RYR1: variants seen among roughly 807,000 people sequenced by gnomAD.
The protein encoded by RYR1 is central core disease of muscle.
Under a neutral mutation model 583.5 loss-of-function variants are expected in RYR1, and 342 were observed. The observed-to-expected ratio is 0.59, with a 90% CI of 0.54 to 0.64. The LOEUF (loss-of-function observed/expected upper bound fraction) is 0.64, where lower values mean the gene tolerates loss of function less well. Among genes scored for constraint, RYR1 ranks in the 30% least tolerant of loss-of-function variants. The pLI, the probability that RYR1 is intolerant of heterozygous loss-of-function variation, is 0.00. For synonymous variants in RYR1, 2,791 were observed against 2,822.5 expected (o/e 0.99, Z 0.35); for missense variants, 6,032 against 6,917.2 (o/e 0.87, Z 4.54).
At chr19:38,524,187 A>C (rs1238598112) in intron 70 of RYR1, among the ~76,000 whole-genome samples, 37 of 107,750 alleles carry the variant, frequency 3.4e-4, no homozygotes, top group South Asian at 9.0e-4. Context: ...TTTTGTTCCC[A>C]AAAAAAAAAA....
At position 38,458,093 on chromosome 19, in the gene RYR1, G is replaced by A. The variant is rs779450532; in HGVS notation, c.1968G>A (p.Thr656=). The A allele has an allele frequency of 2.1e-5, 34 of 1,613,748 alleles. No homozygotes were observed. Among genetic ancestry groups the A allele is most frequent in the Non-Finnish European group, 2.7e-5 (32 of 1,180,032 alleles). Residue 656 remains threonine (T), a synonymous_variant, in exon 18 of 106, where the codon ACG becomes ACA. Transcript: ENST00000359596. ...TTGTGGGCCGAGCGGAAGGCACCAC[G>A]CAGTACAGCAAATGGTACTTTGAGG... is the stretch of plus-strand genomic sequence containing the variant. ...NIFVGRAEGT[T]QYSKWYFEVM...
intron 89 of RYR1, among the ~76,000 whole-genome samples, chr19:38,557,494 G>A (rs1166536914): frequency 2.6e-5 from 4 of 152,334 alleles, no homozygotes; most frequent in Middle Eastern, 3.4e-3. Flanking sequence ...AGGGGACAGC[G>A]AAGCTGAGAG....
chr19:38,458,027 T>C (rs1032685666), intron 17 of RYR1, 24 bp from the exon 18 acceptor site: 1 of 1,612,140 alleles, frequency 6.2e-7, no homozygotes, highest in Non-Finnish European at 8.5e-7. Flanking sequence ...GTCATCCCCC[T>C]CTCCTGTCCC....
intron 18 of RYR1, 93 bp downstream of exon 18, chr19:38,458,385 T>G: frequency 1.5e-6 from 2 of 1,316,368 alleles, no homozygotes; most frequent in Non-Finnish European, 1.1e-6. Context: ...CTCAGGATCC[T>G]GACTCCCTGA....
intron 89 of RYR1, among the ~76,000 whole-genome samples, chr19:38,553,849 C>T (rs1488598489): frequency 2.0e-5 from 3 of 152,288 alleles, no homozygotes; most frequent in African/African-American, 4.8e-5. Flanking sequence ...ATAGGTATAA[C>T]ATCACTGGTC....
At chr19:38,477,047 A>AAAATAT (rs1968769522) in intron 29 of RYR1, among the ~76,000 whole-genome samples, 1 of 152,026 alleles carries the variant, frequency 6.6e-6, no homozygotes, top group Admixed American at 6.5e-5. Context: ...AATAAAAATA[A>AAAATAT]AAAAATAAGG....
In RYR1 at chr19:38,517,324, G is replaced by A. The variant is rs752883547; in HGVS notation, c.9686-35G>A. On this transcript the variant is annotated intron_variant, in intron 65 of 105. Transcript: ENST00000359596. ...AGGGCACTGAGGTCTGGGGGTGATG[G>A]CTTGACATTCCCTGCCCCCGTCCCT... The A allele has an allele frequency of 1.9e-6, 3 of 1,604,402 alleles. No individual in the cohort carries two copies. The African/African-American group carries it at 4.0e-5, about 21-fold the overall frequency.
At chr19:38,580,170 C>A (rs1974134816) in intron 100 of RYR1, 42 bp downstream of exon 100, 1 of 1,613,554 alleles carries the variant, frequency 6.2e-7, no homozygotes, top group Admixed American at 1.7e-5. Context: ...CCAGCAGGGA[C>A]CAGCGTGGCA....
rs1305053560 is a variant in RYR1, at chr19:38,504,261, C to G, written c.7968C>G (p.Cys2656Trp). ...ATGAGCGCTGTTGGAAGTACTACTG[C>G]CTACCCACGGGCTGGGCCAACTTCG... ...NHYERCWKYY[C>W]LPTGWANFGV... Residue 2656 changes from cysteine to tryptophan, a missense_variant, in exon 50 of 106, where the codon TGC (cysteine) becomes TGG (tryptophan). This residue lies in a region of RYR1 where 1,493 missense variants were observed against 1,715.5 expected (regional missense o/e 0.87). Transcript: ENST00000359596. The G allele has an allele frequency of 3.1e-6, 5 of 1,614,046 alleles. No homozygotes were observed. Among genetic ancestry groups the G allele is most frequent in the Non-Finnish European group, 3.4e-6 (4 of 1,179,978 alleles).
chr19:38,495,449 G>A (rs1029215466), intron 39 of RYR1, among the ~76,000 whole-genome samples: 4 of 152,050 alleles, frequency 2.6e-5, no homozygotes, highest in Non-Finnish European at 4.4e-5. Context: ...GGGCTCAAGC[G>A]ATCCTCCTGC....
At chr19:38,504,170 A>G (rs762905206) in intron 49 of RYR1, 50 bp from the exon 50 acceptor site, 9 of 1,574,300 alleles carry the variant, frequency 5.7e-6, no homozygotes, top group Non-Finnish European at 7.8e-6. Flanking sequence ...TCTGCCTGCC[A>G]TTCGCTGGTG....
At chr19:38,536,986 GTC>G in intron 83 of RYR1, 1 of 607,432 alleles carries the variant, frequency 1.6e-6, no homozygotes, top group Admixed American at 2.9e-5. Context: ...CTGTGAACAA[GTC>G]TCTTACCTTC....
Position 38,565,198 on chromosome 19 carries a change from G to A in RYR1, c.12864G>A (p.Thr4288=), listed in dbSNP as rs1973342445. ...GAAGLEGTAA[T]AAAGATARVV... is the part of the protein sequence containing the mutation. ...CGGGGCTCGAGGGCACGGCGGCCAC[G>A]GCGGCGGCGGGGGCGACGGCGCGGG... The change falls in exon 91 of 106, where the codon ACG becomes ACA. Residue 4288 remains threonine, a synonymous_variant. Coordinates refer to ENST00000359596, the MANE Select transcript of RYR1 (RefSeq NM_000540.3). This position sits in a 1 kb window ranked among gnomAD's most constrained non-coding sequence, Gnocchi z 4.7. 2.0e-6 allele frequency: 2 copies of A among 1,019,326 alleles called. No homozygotes were observed. The highest frequency in any genetic ancestry group is 2.3e-6 in the Non-Finnish European group (2 of 853,686). The allele number at this position is 1,019,326 out of a possible 1,614,324, so 63.1% of individuals were successfully genotyped here.
At chr19:38,579,025 G>A (rs1272375232) in intron 99 of RYR1, among the ~76,000 whole-genome samples, 1 of 152,124 alleles carries the variant, frequency 6.6e-6, no homozygotes, top group Non-Finnish European at 1.5e-5. Context: ...ACAAGCTGCG[G>A]TGGGAGGATG....
Position 38,566,946 on chromosome 19 carries a change from A to C in RYR1, c.13473A>C (p.Pro4491=), listed in dbSNP as rs770239842. 3.7e-6 allele frequency: 6 copies of C among 1,606,748 alleles called. No homozygotes were observed. Among genetic ancestry groups the C allele is most frequent in the East Asian group, 2.2e-5 (1 of 44,658 alleles). ...DGVEEELPPE[P]EPEPEPELEP... is the part of the protein sequence containing the mutation. ...TGGAGGAGGAGCTCCCGCCAGAGCC[A>C]GAGCCCGAGCCGGAACCAGAGCTGG... The change falls in exon 92 of 106, where the codon CCA becomes CCC. Residue 4491 remains proline (P), a synonymous_variant. Transcript: ENST00000359596.
At chr19:38,452,126 C>CAAAAAAAA (rs66571762) in intron 12 of RYR1, among the ~76,000 whole-genome samples, 1 of 68,880 alleles carries the variant, frequency 1.5e-5, no homozygotes, top group Non-Finnish European at 2.6e-5. Flanking sequence ...CCGCCTCTAC[C>CAAAAAAAA]AAAAAAAAAA....
Position 38,516,225 on chromosome 19 carries a change from G to T in RYR1, c.9685+8G>T, listed in dbSNP as rs752615788. On this transcript the variant is annotated splice_region_variant and intron_variant, in intron 65 of 105. Transcript: ENST00000359596. ...CTCCGCGGGAGCGGGCCAGTAAGCTGTGTGGGGCGGGAGCAGTGCTGGGAG... is the reference window on the plus strand; with the variant it reads ...CTCCGCGGGAGCGGGCCAGTAAGCTTTGTGGGGCGGGAGCAGTGCTGGGAG... 1.4e-5 allele frequency: 22 copies of T among 1,584,974 alleles called. No individual in the cohort carries two copies. The highest frequency in any genetic ancestry group is 1.7e-5 in the Non-Finnish European group (20 of 1,165,468).
chr19:38,580,225 G>A, intron 100 of RYR1, 97 bp downstream of exon 100: 1 of 1,598,988 alleles, frequency 6.3e-7, no homozygotes, highest in Admixed American at 1.7e-5. Context: ...GCTGAGGAGG[G>A]GCAAGGCCAG....
chr19:38,473,538 GGC>G lies in RYR1; in HGVS notation c.3928_3929del (p.Ala1310ThrfsTer20). On this transcript the variant is annotated frameshift_variant, in exon 28 of 106. Transcript: ENST00000359596. LOFTEE classifies it high-confidence loss of function. ...FRCTAGATPL[A>X]PPGLQPPAED... ...GCTGCACTGCAGGGGCCACCCCGCT[GGC>G]ACCTCCTGGCCTGCAGCCCCCCGCC... 6.2e-7 allele frequency: 1 copy of G among 1,608,070 alleles called. No individual in the cohort carries two copies. The highest frequency in any genetic ancestry group is 2.2e-5 in the East Asian group (1 of 44,588).
Sources: allele counts gnomAD v4.1 joint callset (sites outside exome capture counted in the v4.1 genomes callset), GRCh38; gene constraint gnomAD v4.1.1; regional missense constraint gnomAD v4.1.1; non-coding constraint Gnocchi (gnomAD v3.1); transcripts MANE v1.5; gene names NCBI Gene and HGNC (gene_info 2026-07-23, HGNC 2026-07-21).